Variants in WDR25 observed in about 807,000 individuals in gnomAD.
WDR25 encodes the protein WD repeat domain 25, also known as WD repeat-containing protein 25.
WDR25 carries 35 observed loss-of-function variants against 47.7 expected under a neutral mutation model. The observed-to-expected ratio is 0.73, with a 90% CI of 0.56 to 0.97. WDR25 has a LOEUF of 0.97. Among genes scored for constraint, WDR25 ranks in the 50% least tolerant of loss-of-function variants. The pLI, the probability that WDR25 is intolerant of heterozygous loss-of-function variation, is 0.00. For synonymous variants in WDR25, 248 were observed against 278.9 expected (o/e 0.89, Z 1.10); for missense variants, 634 against 704.7 (o/e 0.90, Z 1.14).
intron 4 of WDR25, chr14:100,503,720 C>G (rs1329092942): frequency 6.6e-6 from 1 of 152,318 alleles, no homozygotes; most frequent in Non-Finnish European, 1.5e-5. Context: ...TCCCCGAAGA[C>G]TGCTGGATTC....
Position 100,529,339 on chromosome 14 carries a change from C to T in WDR25, c.1413+131C>T, listed in dbSNP as rs570837175. 39 of 1,380,248 alleles carry T rather than the reference C, an allele frequency of 2.8e-5. No individual in the cohort carries two copies. The highest frequency in any genetic ancestry group is 1.2e-4 in the Admixed American group (6 of 48,332). The allele number at this position is 1,380,248 out of a possible 1,614,324, so 85.5% of individuals were successfully genotyped here. A position where few individuals can be genotyped will look rare whatever the true frequency, so the allele number is the denominator to read the frequency against. On this transcript the variant is annotated intron_variant, in intron 6 of 6. Transcript: ENST00000402312. The surrounding 1 kb of genome is among the most constrained non-coding windows in gnomAD (Gnocchi z 5.1). Reference sequence around the variant, plus strand: ...TCCTGCTTTCTGTTTCCTGGGTGAGCGCATGCCATGTGGCTCACTGTCTCT... The same window carrying T: ...TCCTGCTTTCTGTTTCCTGGGTGAGTGCATGCCATGTGGCTCACTGTCTCT...
chr14:100,406,482 T>C (rs1897542431), intron 2 of WDR25: 1 of 152,248 alleles, frequency 6.6e-6, no homozygotes, highest in Non-Finnish European at 1.5e-5. Context: ...AAGATGGTAG[T>C]ATCTTTGTTT....
chr14:100,450,270 G>A (rs1898981765), intron 2 of WDR25, among the ~76,000 whole-genome samples: 1 of 152,118 alleles, frequency 6.6e-6, no homozygotes, highest in Non-Finnish European at 1.5e-5. Flanking sequence ...AGTCCCCCAG[G>A]CTGTGTGACT....
At chr14:100,426,583 A>G (rs953349607) in intron 2 of WDR25, among the ~76,000 whole-genome samples, 3 of 152,210 alleles carry the variant, frequency 2.0e-5, no homozygotes, top group Non-Finnish European at 2.9e-5. Context: ...TGGAAGGCGG[A>G]TTAGAGCCGA....
At chr14:100,450,256 C>T (rs773429732) in intron 2 of WDR25, among the ~76,000 whole-genome samples, 7 of 152,174 alleles carry the variant, frequency 4.6e-5, no homozygotes, top group East Asian at 1.9e-4. Flanking sequence ...CCACACTGGC[C>T]GCCAGTCCCC....
chr14:100,482,881 G>A (rs559387724), intron 3 of WDR25, among the ~76,000 whole-genome samples: 2 of 152,348 alleles, frequency 1.3e-5, no homozygotes, highest in African/African-American at 4.8e-5. Context: ...AGTTTCTACG[G>A]GTACAAGGCA....
intron 4 of WDR25, chr14:100,504,790 A>G (rs972022770): frequency 2.0e-5 from 3 of 152,182 alleles, no homozygotes; most frequent in East Asian, 1.9e-4. Context: ...TAAATTTTTA[A>G]TAAGTCACCA....
At chr14:100,510,900 C>A (rs925336131) in intron 4 of WDR25, among the ~76,000 whole-genome samples, 10 of 151,740 alleles carry the variant, frequency 6.6e-5, no homozygotes, top group Non-Finnish European at 1.2e-4. Flanking sequence ...ACTGCACTGG[C>A]CCCATTGATT....
At chr14:100,414,229 C>T (rs530877354) in intron 2 of WDR25, among the ~76,000 whole-genome samples, 3 of 151,984 alleles carry the variant, frequency 2.0e-5, no homozygotes, top group East Asian at 1.9e-4. Flanking sequence ...AACTCCTGAC[C>T]TCGTGATCCG....
At chr14:100,447,968 T>C (rs542173569) in intron 2 of WDR25, among the ~76,000 whole-genome samples, 8 of 151,806 alleles carry the variant, frequency 5.3e-5, no homozygotes, top group African/African-American at 1.9e-4. Context: ...CCGAGGTGGG[T>C]GAATCACCTG....
At chr14:100,463,797 GC>G (rs1899509646) in intron 2 of WDR25, among the ~76,000 whole-genome samples, 1 of 152,114 alleles carries the variant, frequency 6.6e-6, no homozygotes, top group South Asian at 2.1e-4. Context: ...CAGTGCTTGG[GC>G]CAGGAACTGC....
chr14:100,459,931 TATA>T (rs1899340944), intron 2 of WDR25, among the ~76,000 whole-genome samples: 1 of 95,578 alleles, frequency 1.0e-5, no homozygotes, highest in South Asian at 3.0e-4. Flanking sequence ...TATATATATA[TATA>T]TATATACACA....
chr14:100,440,037 A>G lies in WDR25; in HGVS notation c.823-27984A>G, dbSNP rs1284247746. Among the ~76,000 whole-genome samples the G allele has an allele frequency of 1.3e-5, 2 of 152,236 alleles. No individual in the cohort carries two copies. Among genetic ancestry groups the G allele is most frequent in the South Asian group, 4.1e-4 (2 of 4,836 alleles). The stretch of plus-strand genomic sequence containing the variant: ...AAGGATCCATTGTTAAGAAACAAAC[A>G]TGGGAAACTGTCATGTGAGCGTCCC... On this transcript the variant is annotated intron_variant, in intron 2 of 6. Transcript: ENST00000402312. The surrounding 1 kb of genome is among the most constrained non-coding windows in gnomAD (Gnocchi z 4.4).
chr14:100,417,728 G>A (rs1379188208), intron 2 of WDR25, among the ~76,000 whole-genome samples: 1 of 152,164 alleles, frequency 6.6e-6, no homozygotes, highest in East Asian at 1.9e-4. Flanking sequence ...TTGATACTGT[G>A]TGATTGGTCT....
Position 100,502,292 on chromosome 14 carries a change from G to A in WDR25, c.1101+18168G>A, listed in dbSNP as rs1900950612. Among the ~76,000 whole-genome samples, 1 of 152,150 alleles carries A rather than the reference G, an allele frequency of 6.6e-6. No individual in the cohort carries two copies. The highest frequency in any genetic ancestry group is 1.5e-5 in the Non-Finnish European group (1 of 68,018). On this transcript the variant is annotated intron_variant, in intron 4 of 6. Transcript: ENST00000402312. The surrounding 1 kb of genome is among the most constrained non-coding windows in gnomAD (Gnocchi z 4.5). Reference sequence around the variant, plus strand: ...ACAGTTTCATAACTTCCCTGCTTAAGGGGAAAGGCCTTAAGGCTCTCATGA... The same window carrying A: ...ACAGTTTCATAACTTCCCTGCTTAAAGGGAAAGGCCTTAAGGCTCTCATGA...
At chr14:100,383,550 C>T (rs1476522562) in intron 2 of WDR25, among the ~76,000 whole-genome samples, 1 of 152,256 alleles carries the variant, frequency 6.6e-6, no homozygotes, top group Non-Finnish European at 1.5e-5. Context: ...AGTTCTCTCT[C>T]CTGATGGTGA....
intron 1 of WDR25, chr14:100,376,857 T>G: frequency 1.2e-6 from 1 of 854,068 alleles, no homozygotes; most frequent in Non-Finnish European, 1.5e-6. Context: ...CTATTTCTTT[T>G]ACTTCCTAGC....
rs554612736 is a variant in WDR25, at chr14:100,499,225, T to A, written c.1101+15101T>A. On this transcript the variant is annotated intron_variant, in intron 4 of 6. Coordinates refer to ENST00000402312, the MANE Select transcript of WDR25 (RefSeq NM_001161476.3). This position sits in a 1 kb window ranked among gnomAD's most constrained non-coding sequence, Gnocchi z 4.4. ...GTTTTATGCATATGTATTTACATTT[T>A]TATATAATTGTCTTTCAGCTTATTA... Among the ~76,000 whole-genome samples the A allele has an allele frequency of 3.3e-5, 5 of 152,384 alleles. No individual in the cohort carries two copies. The highest frequency in any genetic ancestry group is 3.3e-4 in the Admixed American group (5 of 15,310).
chr14:100,479,227 C>T (rs1034325612), intron 3 of WDR25, among the ~76,000 whole-genome samples: 10 of 152,072 alleles, frequency 6.6e-5, no homozygotes, highest in African/African-American at 2.4e-4. Flanking sequence ...TGCTCTGAGT[C>T]CCTGGCATAG....
Sources: gnomAD v4.1 joint callset for allele counts (sites outside exome capture counted in the v4.1 genomes callset) on GRCh38, gnomAD v4.1.1 for gene constraint, Gnocchi (gnomAD v3.1) non-coding constraint, MANE v1.5 for transcripts, NCBI Gene and HGNC (gene_info 2026-07-23, HGNC 2026-07-21) for gene names.